Variants in ZNF98 observed in about 807,000 individuals in gnomAD.
ZNF98 encodes the protein zinc finger protein 98, also known as zinc finger protein 739.
ZNF98 carries 8 observed loss-of-function variants against 12.8 expected under a neutral mutation model. That is an observed-to-expected ratio of 0.63 (90% CI 0.37 to 1.13). ZNF98 has a LOEUF of 1.13. ZNF98 is among the 50% of genes most tolerant of loss of function. The pLI is 0.01. For missense variants in ZNF98, 379 were observed against 666.1 expected (o/e 0.57, Z 4.74); for synonymous variants, 112 against 223.5 (o/e 0.50, Z 4.45).
chr19:22,401,348 A>T (rs1009715170), intron 3 of ZNF98, among the ~76,000 whole-genome samples: 4 of 152,228 alleles, frequency 2.6e-5, no homozygotes, highest in African/African-American at 7.2e-5. Flanking sequence ...AATCTTATTT[A>T]CAATAGCACT....
chr19:22,398,249 A>G (rs1211265291), intron 3 of ZNF98, among the ~76,000 whole-genome samples: 1 of 152,272 alleles, frequency 6.6e-6, no homozygotes, highest in African/African-American at 2.4e-5. Flanking sequence ...TTAGAAACAG[A>G]AAACAGAATG....
chr19:22,392,386 T>G lies in ZNF98; in HGVS notation c.849A>C (p.Thr283=). ...KAFNQSANLT[T]HKRIHTGEKP... ...TCTCTCCAGTATGAATTCTCTTATGTGTAGTAAGGTTTGCAGATTGGTTAA... is the reference window on the plus strand; with the variant it reads ...TCTCTCCAGTATGAATTCTCTTATGGGTAGTAAGGTTTGCAGATTGGTTAA... The change falls in exon 4 of 4, where the codon ACA becomes ACC. Residue 283 remains threonine, a synonymous_variant. Coordinates refer to ENST00000357774, the MANE Select transcript of ZNF98 (RefSeq NM_001098626.2). 1 of 1,507,996 alleles carries G rather than the reference T, an allele frequency of 6.6e-7. No homozygotes were observed. Among genetic ancestry groups the G allele is most frequent in the Non-Finnish European group, 8.9e-7 (1 of 1,120,504 alleles). The allele number at this position is 1,507,996 out of a possible 1,614,324, so 93.4% of individuals were successfully genotyped here. A position where few individuals can be genotyped will look rare whatever the true frequency, so the allele number is the denominator to read the frequency against.
chr19:22,398,657 GA>G (rs1199411003), intron 3 of ZNF98, among the ~76,000 whole-genome samples: 2 of 152,138 alleles, frequency 1.3e-5, no homozygotes, highest in African/African-American at 4.8e-5. Context: ...GACTGGCCAT[GA>G]AATGTACATT....
Position 22,402,048 on chromosome 19 carries a change from C to T in ZNF98, c.253+741G>A, listed in dbSNP as rs1333254574. Among the ~76,000 whole-genome samples, 7 of 150,320 alleles carry T rather than the reference C, an allele frequency of 4.7e-5. No individual in the cohort carries two copies. In the East Asian group the frequency reaches 1.2e-3, roughly 26 times the overall value. On this transcript the variant is annotated intron_variant, in intron 3 of 3. Coordinates refer to ENST00000357774, the MANE Select transcript of ZNF98 (RefSeq NM_001098626.2). Reference sequence around the variant, plus strand: ...AAAATTAGCCAGGCATGGTGGCTCGCGCCTGTATTCCCAGCTACTCAGGAG... The same window carrying T: ...AAAATTAGCCAGGCATGGTGGCTCGTGCCTGTATTCCCAGCTACTCAGGAG...
chr19:22,401,595 C>T (rs1165319683), intron 3 of ZNF98, among the ~76,000 whole-genome samples: 16 of 151,354 alleles, frequency 1.1e-4, no homozygotes, highest in Non-Finnish European at 1.6e-4. Flanking sequence ...GCAATTCTTC[C>T]GCCTCAGCCT....
intron 1 of ZNF98, among the ~76,000 whole-genome samples, chr19:22,409,308 TAA>T (rs1969555402): frequency 1.3e-5 from 2 of 152,024 alleles, no homozygotes; most frequent in African/African-American, 4.8e-5. Flanking sequence ...ATTAAAGACA[TAA>T]ATGTAAAGCC....
At chr19:22,401,108 A>T (rs1394130757) in intron 3 of ZNF98, among the ~76,000 whole-genome samples, 1 of 151,572 alleles carries the variant, frequency 6.6e-6, no homozygotes, top group Non-Finnish European at 1.5e-5. Context: ...ATAAGTAAAA[A>T]AAAAAAAAAA....
chr19:22,404,088 C>G (rs1307081242), intron 1 of ZNF98, among the ~76,000 whole-genome samples: 1 of 152,122 alleles, frequency 6.6e-6, no homozygotes, highest in Non-Finnish European at 1.5e-5. Context: ...GGCGTGGAGG[C>G]GAGAGCCTGT....
rs1488601390 is a variant in ZNF98, at chr19:22,391,567, G to T, written c.1668C>A (p.Asp556Glu). The change falls in exon 4 of 4, where the codon GAC becomes GAA. Residue 556 changes from aspartate (D) to glutamate (E), a missense_variant. Asp to Glu is a conservative substitution (Grantham distance 45, BLOSUM62 2). Around this residue, in one of 8 missense-constraint regions of ZNF98, gnomAD observed 15 missense variants for 35.6 expected, o/e 0.42. Coordinates refer to ENST00000357774, the MANE Select transcript of ZNF98 (RefSeq NM_001098626.2). The part of the protein sequence containing the change: ...YKPESCNNAC[D>E]NIAKISKYKR... ...TATATTTGGAAATCTTTGCAATGTTGTCACAAGCATTGTTACAACTTTCAG... is the reference window on the plus strand; with the variant it reads ...TATATTTGGAAATCTTTGCAATGTTTTCACAAGCATTGTTACAACTTTCAG... 6 of 1,600,114 alleles carry T rather than the reference G, an allele frequency of 3.7e-6. No individual in the cohort carries two copies. Among genetic ancestry groups the T allele is most frequent in the South Asian group, 2.2e-5 (2 of 89,512 alleles).
At chr19:22,414,211 G>A (rs1159849319) in intron 1 of ZNF98, among the ~76,000 whole-genome samples, 2 of 125,850 alleles carry the variant, frequency 1.6e-5, no homozygotes, top group Non-Finnish European at 3.2e-5. Flanking sequence ...TCTAGCCTGG[G>A]TGAAGAGCAA....
chr19:22,418,953 G>A (rs1196285643), intron 1 of ZNF98, among the ~76,000 whole-genome samples: 3 of 152,056 alleles, frequency 2.0e-5, no homozygotes, highest in Non-Finnish European at 4.4e-5. Context: ...GTTTATCTCC[G>A]CCCCATAGGC....
chr19:22,419,266 A>C (rs1033049995), intron 1 of ZNF98, among the ~76,000 whole-genome samples: 1 of 152,142 alleles, frequency 6.6e-6, no homozygotes, highest in African/African-American at 2.4e-5. Context: ...GCTTCAAAAC[A>C]ATAACTTCAT....
intron 3 of ZNF98, among the ~76,000 whole-genome samples, chr19:22,394,415 A>G (rs1351833827): frequency 6.6e-6 from 1 of 152,216 alleles, no homozygotes; most frequent in Admixed American, 6.5e-5. Flanking sequence ...TATTCACAAT[A>G]GCAAAGACTT....
intron 1 of ZNF98, among the ~76,000 whole-genome samples, chr19:22,421,565 G>A (rs1193694449): frequency 2.0e-5 from 3 of 152,170 alleles, no homozygotes; most frequent in East Asian, 1.9e-4. Context: ...TGCCAAGTAA[G>A]TTCTGATTAC....
At chr19:22,412,987 A>G (rs2145120341) in intron 1 of ZNF98, among the ~76,000 whole-genome samples, 2 of 152,256 alleles carry the variant, frequency 1.3e-5, no homozygotes, top group South Asian at 4.1e-4. Flanking sequence ...CACGAGGCGG[A>G]GCTTGCAGTG....
At position 22,417,042 on chromosome 19, in the gene ZNF98, C is replaced by A. The variant is rs905993260; in HGVS notation, c.30+5153G>T. On this transcript the variant is annotated intron_variant, in intron 1 of 3. Transcript: ENST00000357774. ...GTCAGGAGTTCCAGACCAGCCTGAC[C>A]AACATGGAGAAACCCCATCTCTATT... 3.3e-5 allele frequency among the ~76,000 whole-genome samples: 5 copies of A among 152,006 alleles called. 1 individual carries two copies. The highest frequency in any genetic ancestry group is 1.2e-4 in the African/African-American group (5 of 41,372).
intron 1 of ZNF98, among the ~76,000 whole-genome samples, chr19:22,415,713 G>A (rs893663171): frequency 3.3e-5 from 5 of 151,928 alleles, no homozygotes; most frequent in Non-Finnish European, 7.4e-5. Context: ...TTGAGCCTGG[G>A]AGGTTGAGGC....
intron 1 of ZNF98, among the ~76,000 whole-genome samples, chr19:22,411,118 C>A (rs148005311): frequency 0.011 from 1,705 of 152,268 alleles, 33 homozygotes; most frequent in African/African-American, 0.039. Context: ...TCTGCACTTA[C>A]TGCAACCTCT....
chr19:22,407,019 A>G (rs1181386858), intron 1 of ZNF98, among the ~76,000 whole-genome samples: 1 of 151,792 alleles, frequency 6.6e-6, no homozygotes, highest in Non-Finnish European at 1.5e-5. Context: ...AATGCAAAAA[A>G]CCTAAGAACC....
Sources: allele counts gnomAD v4.1 joint callset (sites outside exome capture counted in the v4.1 genomes callset), GRCh38; gene constraint gnomAD v4.1.1; regional missense constraint gnomAD v4.1.1; transcripts MANE v1.5; gene names NCBI Gene and HGNC (gene_info 2026-07-23, HGNC 2026-07-21).